The following BMP6 variants were observed in gnomAD, a reference collection of about 807,000 sequenced individuals.
The protein encoded by BMP6 is VG-1-R.
BMP6 carries 17 observed loss-of-function variants against 54.1 expected under a neutral mutation model. The observed-to-expected ratio is 0.31, with a 90% CI of 0.22 to 0.47. BMP6 has a LOEUF of 0.47. Ranked by LOEUF, BMP6 falls within the 20% of genes least tolerant of loss-of-function variation. BMP6 has a pLI of 1.00. For synonymous variants in BMP6, 328 were observed against 291.2 expected, an observed-to-expected ratio of 1.13 and a Z score of -1.28; for missense variants, 720 against 690.4, an observed-to-expected ratio of 1.04 and a Z score of -0.48.
In BMP6 at chr6:7,727,384, G is replaced by T; in HGVS notation, c.429G>T (p.Leu143=). 2 of 1,608,554 alleles carry T rather than the reference G, an allele frequency of 1.2e-6. No individual in the cohort carries two copies. Among genetic ancestry groups the T allele is most frequent in the Non-Finnish European group, 1.7e-6 (2 of 1,178,074 alleles). The stretch of plus-strand genomic sequence containing the variant: ...TCATGCTGGATCTGTACAACGCCCT[G>T]TCCGCCGACAACGACGAGGACGGGG... ...PLFMLDLYNA[L]SADNDEDGAS... Residue 143 remains leucine, a synonymous_variant, in exon 1 of 7, where the codon CTG becomes CTT. Transcript: ENST00000283147.
At chr6:7,782,516 G>T (rs1444958788) in intron 1 of BMP6, among the ~76,000 whole-genome samples, 5 of 152,158 alleles carry the variant, frequency 3.3e-5, no homozygotes, top group Non-Finnish European at 7.3e-5. Context: ...TTTGAGACCA[G>T]CCTGGCCAAC....
chr6:7,751,556 G>A (rs889511222), intron 1 of BMP6, among the ~76,000 whole-genome samples: 11 of 152,008 alleles, frequency 7.2e-5, no homozygotes, highest in African/African-American at 2.2e-4. Context: ...TTTCTGCCTC[G>A]GCATTCTCTA....
chr6:7,760,240 T>C (rs758261696), intron 1 of BMP6, among the ~76,000 whole-genome samples: 5 of 152,016 alleles, frequency 3.3e-5, no homozygotes, highest in Admixed American at 1.3e-4. Context: ...AAGTATATTT[T>C]TTGAGGTGGT....
chr6:7,874,238 A>C (rs551323383), intron 4 of BMP6, among the ~76,000 whole-genome samples: 2 of 152,302 alleles, frequency 1.3e-5, no homozygotes, highest in East Asian at 3.9e-4. Flanking sequence ...GCCACAGCTA[A>C]CTGCAGTGGG....
chr6:7,801,484 A>G (rs1489426796), intron 1 of BMP6, among the ~76,000 whole-genome samples: 2 of 152,184 alleles, frequency 1.3e-5, no homozygotes, highest in African/African-American at 4.8e-5. Context: ...GAGCTCTGAG[A>G]TCCATAGTGA....
intron 1 of BMP6, among the ~76,000 whole-genome samples, chr6:7,770,713 A>AT (rs1757770426): frequency 6.6e-6 from 1 of 152,164 alleles, no homozygotes; most frequent in African/African-American, 2.4e-5. Flanking sequence ...TCCTTTCCAG[A>AT]TTTACTAACT....
At chr6:7,727,704 G>A (rs368240716) in intron 1 of BMP6, 85 bp downstream of exon 1, 5 of 1,367,914 alleles carry the variant, frequency 3.7e-6, no homozygotes, top group East Asian at 3.0e-5. Context: ...GGGGGTGGAG[G>A]AGCTCCCGGC....
At chr6:7,786,526 T>C (rs1357671530) in intron 1 of BMP6, among the ~76,000 whole-genome samples, 1 of 151,202 alleles carries the variant, frequency 6.6e-6, no homozygotes, top group Non-Finnish European at 1.5e-5. Flanking sequence ...TCCTTGGCAA[T>C]GCTTCCTTAG....
chr6:7,820,841 C>A (rs1488809204), intron 1 of BMP6, among the ~76,000 whole-genome samples: 2 of 152,180 alleles, frequency 1.3e-5, no homozygotes, highest in Non-Finnish European at 2.9e-5. Flanking sequence ...TGAAACTGTT[C>A]TACCTCAGAT....
chr6:7,825,450 G>T (rs1758679774), intron 1 of BMP6, among the ~76,000 whole-genome samples: 1 of 152,148 alleles, frequency 6.6e-6, no homozygotes, highest in African/African-American at 2.4e-5. Context: ...GCCAGGCGTG[G>T]TGGATCACAC....
At chr6:7,855,935 C>T (rs1044351109) in intron 2 of BMP6, among the ~76,000 whole-genome samples, 6 of 151,862 alleles carry the variant, frequency 4.0e-5, no homozygotes, top group Non-Finnish European at 8.8e-5. Flanking sequence ...GTGAGAGTAC[C>T]TAGAACAGTC....
chr6:7,727,660 C>A (rs773654766), intron 1 of BMP6, 41 bp downstream of exon 1: 7 of 1,472,942 alleles, frequency 4.8e-6, no homozygotes, highest in Non-Finnish European at 6.3e-6. Context: ...ACATTTCCCC[C>A]TTTTCAGTGT....
chr6:7,807,380 A>C (rs1581255787), intron 1 of BMP6, among the ~76,000 whole-genome samples: 1 of 152,168 alleles, frequency 6.6e-6, no homozygotes, highest in East Asian at 1.9e-4. Flanking sequence ...TGGAACCTCC[A>C]CCTTCCAGTT....
chr6:7,801,134 C>A (rs912066975), intron 1 of BMP6, among the ~76,000 whole-genome samples: 1 of 152,190 alleles, frequency 6.6e-6, no homozygotes, highest in Non-Finnish European at 1.5e-5. Flanking sequence ...CTCTCTCCTG[C>A]ACAAATGAAT....
chr6:7,872,248 G>A (rs996897537), intron 4 of BMP6, among the ~76,000 whole-genome samples: 9 of 151,308 alleles, frequency 5.9e-5, no homozygotes, highest in Non-Finnish European at 7.4e-5. Context: ...GGCAGTGGGA[G>A]TGAGGGGAAA....
At chr6:7,743,059 T>C (rs796295060) in intron 1 of BMP6, among the ~76,000 whole-genome samples, 11 of 152,328 alleles carry the variant, frequency 7.2e-5, no homozygotes, top group African/African-American at 2.6e-4. Flanking sequence ...GTAGCAAATA[T>C]CTTTCACATT....
intron 1 of BMP6, among the ~76,000 whole-genome samples, chr6:7,839,304 A>G (rs1758926573): frequency 6.6e-6 from 1 of 152,342 alleles, no homozygotes; most frequent in Middle Eastern, 3.4e-3. Flanking sequence ...GGCCGGGACT[A>G]CAGGCAATGC....
chr6:7,839,768 A>G (rs1228366888), intron 1 of BMP6, among the ~76,000 whole-genome samples: 1 of 152,214 alleles, frequency 6.6e-6, no homozygotes, highest in Non-Finnish European at 1.5e-5. Context: ...TGCCATGAAC[A>G]TGAGTGTACA....
intron 1 of BMP6, among the ~76,000 whole-genome samples, chr6:7,747,208 G>A (rs530962712): frequency 4.6e-5 from 7 of 152,326 alleles, no homozygotes; most frequent in East Asian, 3.9e-4. Context: ...TTCCAGCCCC[G>A]TGGGCTTCGC....
Sources: gnomAD v4.1 joint callset for allele counts (sites outside exome capture counted in the v4.1 genomes callset) on GRCh38, gnomAD v4.1.1 for gene constraint, MANE v1.5 for transcripts, NCBI Gene and HGNC (gene_info 2026-07-23, HGNC 2026-07-21) for gene names.